The following RXRA variants were observed in gnomAD, a reference collection of about 807,000 sequenced individuals.
RXRA encodes retinoid X receptor alpha.
RXRA carries 5 observed loss-of-function variants against 44.5 expected under a neutral mutation model. The ratio of observed to expected loss-of-function variants is 0.11; its 90% CI spans 0.06 to 0.24. The LOEUF (loss-of-function observed/expected upper bound fraction) is 0.24. Among genes scored for constraint, RXRA ranks in the 10% least tolerant of loss-of-function variants. RXRA has a pLI of 1.00. For missense variants in RXRA, 412 were observed against 646.5 expected, an observed-to-expected ratio of 0.64 and a Z score of 3.93; for synonymous variants, 291 against 271.4, an observed-to-expected ratio of 1.07 and a Z score of -0.71.
intron 6 of RXRA, chr9:134,424,055 C>T (rs951034134): frequency 7.2e-5 from 71 of 985,298 alleles, no homozygotes; most frequent in Non-Finnish European, 8.3e-5. Context: ...CTGGCAGCTT[C>T]TGGCTCCAGC....
Position 134,436,562 on chromosome 9 carries a change from C to A in RXRA, c.1337C>A (p.Pro446His). The A allele has an allele frequency of 6.2e-7, 1 of 1,614,174 alleles. No individual in the cohort carries two copies. Residue 446 changes from proline (P) to histidine (H), a missense_variant, in exon 10 of 10, where the codon CCC becomes CAC. Pro to His is a moderately conservative substitution (Grantham distance 77). Coordinates refer to ENST00000481739, the MANE Select transcript of RXRA (RefSeq NM_002957.6). ...LFFFKLIGDT[P>H]IDTFLMEMLE... ...TTCTTCAAGCTCATCGGGGACACAC[C>A]CATTGACACCTTCCTTATGGAGATG...
At chr9:134,383,209 G>T in intron 1 of RXRA, among the ~76,000 whole-genome samples, 1 of 152,228 alleles carries the variant, frequency 6.6e-6, no homozygotes, top group South Asian at 2.1e-4. Context: ...GGGCTGAGCA[G>T]CTGGTCAGCT....
In RXRA at chr9:134,366,250, C is replaced by T. The variant is rs573865928; in HGVS notation, c.29-35382C>T. 4.0e-4 allele frequency among the ~76,000 whole-genome samples: 61 copies of T among 152,176 alleles called. No homozygotes were observed. The highest frequency in any genetic ancestry group is 6.8e-3 in the Middle Eastern group (2 of 294). On this transcript the variant is annotated intron_variant, in intron 1 of 9. Coordinates refer to ENST00000481739, the MANE Select transcript of RXRA (RefSeq NM_002957.6). The surrounding 1 kb of genome is among the most constrained non-coding windows in gnomAD (Gnocchi z 5.9). Reference sequence around the variant, plus strand: ...GGAGGGTGTCTTCAGCACAGGTGCCCGCTGGGTGGTCTCCCATGTGTGCCC... The same window carrying T: ...GGAGGGTGTCTTCAGCACAGGTGCCTGCTGGGTGGTCTCCCATGTGTGCCC...
chr9:134,392,756 C>T (rs1363565032), intron 1 of RXRA, among the ~76,000 whole-genome samples: 4 of 152,178 alleles, frequency 2.6e-5, no homozygotes, highest in African/African-American at 9.7e-5. Context: ...ATTTGCGGTC[C>T]CTGGTCCTGG....
chr9:134,422,986 G>T (rs34514627), intron 6 of RXRA: 1 of 985,338 alleles, frequency 1.0e-6, no homozygotes, highest in Non-Finnish European at 1.2e-6. Context: ...CCTGCTCCAC[G>T]CGCATCACAC....
intron 6 of RXRA, among the ~76,000 whole-genome samples, chr9:134,427,634 G>GA (rs1212363741): frequency 2.6e-5 from 4 of 152,214 alleles, no homozygotes; most frequent in Non-Finnish European, 5.9e-5. Context: ...ACTCAGTTGT[G>GA]AAATGGGGAG....
chr9:134,335,219 G>A (rs975742438), intron 1 of RXRA, among the ~76,000 whole-genome samples: 2 of 152,180 alleles, frequency 1.3e-5, no homozygotes, highest in Non-Finnish European at 2.9e-5. Flanking sequence ...TGCCCCATGC[G>A]ATGAGTGAGC....
At chr9:134,351,058 G>A (rs937378468) in intron 1 of RXRA, among the ~76,000 whole-genome samples, 3 of 152,230 alleles carry the variant, frequency 2.0e-5, no homozygotes, top group African/African-American at 7.2e-5. Flanking sequence ...TGGGAAGTGC[G>A]TGTGGCCTCA....
intron 7 of RXRA, among the ~76,000 whole-genome samples, chr9:134,430,264 C>T (rs1276088921): frequency 3.9e-5 from 6 of 152,212 alleles, no homozygotes; most frequent in Non-Finnish European, 5.9e-5. Context: ...ATGTCAGCTT[C>T]AGCTGGAGCG....
chr9:134,369,286 GT>G (rs1381264340), intron 1 of RXRA, among the ~76,000 whole-genome samples: 1 of 72,642 alleles, frequency 1.4e-5, no homozygotes, highest in Non-Finnish European at 2.7e-5. Flanking sequence ...ATGTGTGTGT[GT>G]GGGGGTTATG....
intron 1 of RXRA, among the ~76,000 whole-genome samples, chr9:134,386,708 G>A (rs755940172): frequency 2.7e-5 from 4 of 149,258 alleles, no homozygotes; most frequent in Non-Finnish European, 6.0e-5. Flanking sequence ...CCTGCAGCCC[G>A]AGGCCAGGAC....
chr9:134,350,764 C>T (rs566448681), intron 1 of RXRA, among the ~76,000 whole-genome samples: 1 of 152,350 alleles, frequency 6.6e-6, no homozygotes, highest in South Asian at 2.1e-4. Context: ...GGGATTGGGC[C>T]AGTGGCTCTG....
intron 1 of RXRA, among the ~76,000 whole-genome samples, chr9:134,336,951 G>A (rs553909260): frequency 6.6e-6 from 1 of 152,300 alleles, no homozygotes; most frequent in East Asian, 1.9e-4. Flanking sequence ...TAGATGGAGG[G>A]TCTGGGACTG....
At chr9:134,427,396 G>A (rs893939283) in intron 6 of RXRA, among the ~76,000 whole-genome samples, 1 of 152,192 alleles carries the variant, frequency 6.6e-6, no homozygotes, top group Non-Finnish European at 1.5e-5. Flanking sequence ...CAGGCGGGGA[G>A]GTGCCAGTCC....
chr9:134,404,990 C>T (rs902124465), intron 2 of RXRA: 4 of 152,298 alleles, frequency 2.6e-5, no homozygotes, highest in African/African-American at 4.8e-5. Flanking sequence ...CCTGGCCACG[C>T]GTGGAGTCCT....
At position 134,401,846 on chromosome 9, in the gene RXRA, C is replaced by G; in HGVS notation, c.243C>G (p.Thr81=). The G allele has an allele frequency of 1.2e-6, 2 of 1,612,026 alleles. No homozygotes were observed. Among genetic ancestry groups the G allele is most frequent in the African/African-American group, 2.7e-5 (2 of 75,010 alleles). ...GCCCCCACTCCATGTCGGTGCCCAC[C>G]ACACCCACCCTGGGCTTCAGCACTG... ...PMGPHSMSVP[T]TPTLGFSTGS... is the part of the protein sequence containing the mutation. Residue 81 remains threonine, a synonymous_variant, in exon 2 of 10, where the codon ACC becomes ACG. Transcript: ENST00000481739.
Position 134,365,902 on chromosome 9 carries a change from C to T in RXRA, c.29-35730C>T, listed in dbSNP as rs904343603. On this transcript the variant is annotated intron_variant, in intron 1 of 9. Transcript: ENST00000481739. This position sits in a 1 kb window ranked among gnomAD's most constrained non-coding sequence, Gnocchi z 4.0. ...GGGTTCCTGGGCTGGGATTGGCCGT[C>T]GGGGAGGTGCACACAGACGCTCAGC... Among the ~76,000 whole-genome samples the T allele has an allele frequency of 2.6e-5, 4 of 151,964 alleles. No homozygotes were observed. The highest frequency in any genetic ancestry group is 2.1e-4 in the South Asian group (1 of 4,820).
intron 6 of RXRA, chr9:134,422,117 T>A: frequency 2.3e-6 from 3 of 1,307,512 alleles, no homozygotes; most frequent in Non-Finnish European, 3.0e-6. Context: ...CACTTCTACC[T>A]CCCGGGACAC....
At chr9:134,423,126 G>T in intron 6 of RXRA, 1 of 985,488 alleles carries the variant, frequency 1.0e-6, no homozygotes, top group Non-Finnish European at 1.2e-6. Flanking sequence ...CTGGAAAGGG[G>T]GTGTGAGGGG....
Sources: allele counts gnomAD v4.1 joint callset (sites outside exome capture counted in the v4.1 genomes callset), GRCh38; gene constraint gnomAD v4.1.1; non-coding constraint Gnocchi (gnomAD v3.1); transcripts MANE v1.5; gene names NCBI Gene and HGNC (gene_info 2026-07-23, HGNC 2026-07-21).